Variants in AP3S2 observed in about 807,000 individuals in gnomAD.
The protein encoded by AP3S2 is adaptor related protein complex 3 subunit sigma 2.
In AP3S2, 22 loss-of-function variants were observed where a neutral mutation model predicts 23.4. The ratio of observed to expected loss-of-function variants is 0.94; its 90% confidence interval spans 0.67 to 1.34. The LOEUF is 1.34. AP3S2 is among the 40% of genes most tolerant of loss of function. AP3S2 has a pLI of 0.00. For synonymous variants in AP3S2, 86 were observed against 87.1 expected, an observed-to-expected ratio of 0.99 and a Z score of 0.07; for missense variants, 241 against 236.9, an observed-to-expected ratio of 1.02 and a Z score of -0.11.
chr15:89,890,026 T>G (rs1419205701), intron 1 of AP3S2, among the ~76,000 whole-genome samples: 1 of 152,166 alleles, frequency 6.6e-6, no homozygotes, highest in Non-Finnish European at 1.5e-5. Flanking sequence ...AAAAATAGAT[T>G]ACAGATTAAA....
intron 4 of AP3S2, among the ~76,000 whole-genome samples, chr15:89,858,445 AAAAG>A (rs1452029141): frequency 6.7e-6 from 1 of 150,012 alleles, no homozygotes; most frequent in African/African-American, 2.5e-5. Context: ...CCATCTCAAA[AAAAG>A]AAAGAAAAAG....
intron 4 of AP3S2, among the ~76,000 whole-genome samples, chr15:89,852,830 A>AGGTGGCCCTTTACACCTGCTCGCCCTT: frequency 1.3e-5 from 2 of 152,298 alleles, no homozygotes; most frequent in South Asian, 4.1e-4. Flanking sequence ...CGCCCTTTAC[A>AGGTGGCCCTTTACACCTGCTCGCCCTT]TGCTGGCTCA....
At position 89,846,382 on chromosome 15, in the gene AP3S2, T is replaced by C. The variant is rs1212160546; in HGVS notation, c.346-8660A>G. ...TTTATTTTTTTTTTTTCTTGAGACA[T>C]GGTCTCACTCTGTCGCCCAGGATGG... On this transcript the variant is annotated intron_variant, in intron 4 of 5. Transcript: ENST00000336418. 2.0e-5 allele frequency among the ~76,000 whole-genome samples: 3 copies of C among 151,906 alleles called. No homozygotes were observed. The South Asian group carries it at 6.2e-4, about 32-fold the overall frequency.
chr15:89,834,750 A>G lies in AP3S2; in HGVS notation c.*765T>C, dbSNP rs1895149770. The stretch of plus-strand genomic sequence containing the variant: ...CCCTGTCTCTACTAAACATACAACA[A>G]TTAGCTGGGCATGGTGGTGGGTGCC... On this transcript the variant is annotated 3_prime_UTR_variant, in exon 6 of 6. Transcript: ENST00000336418. The G allele has an allele frequency of 6.6e-6, 1 of 152,046 alleles. No individual in the cohort carries two copies. The highest frequency in any genetic ancestry group is 6.6e-5 in the Admixed American group (1 of 15,260). 9.4% of individuals were successfully genotyped at this position (152,046 alleles called of 1,614,324 possible).
intron 5 of AP3S2, among the ~76,000 whole-genome samples, chr15:89,836,409 C>A (rs1259495020): frequency 7.2e-5 from 11 of 152,160 alleles, no homozygotes; most frequent in African/African-American, 2.7e-4. Context: ...CCGGGAAGTT[C>A]TTAAAAGGAA....
chr15:89,850,426 T>C (rs1384899283), intron 4 of AP3S2, among the ~76,000 whole-genome samples: 3 of 152,086 alleles, frequency 2.0e-5, no homozygotes, highest in African/African-American at 7.2e-5. Flanking sequence ...AGATTGAAAA[T>C]TTGTTTTAAG....
chr15:89,882,069 G>A (rs952406038), intron 3 of AP3S2, among the ~76,000 whole-genome samples: 20 of 152,052 alleles, frequency 1.3e-4, no homozygotes, highest in African/African-American at 4.3e-4. Context: ...TGATCCGCCC[G>A]CCTCGGCCTC....
chr15:89,844,287 CT>C (rs1895429773), intron 4 of AP3S2, among the ~76,000 whole-genome samples: 1 of 120,290 alleles, frequency 8.3e-6, no homozygotes, highest in African/African-American at 2.8e-5. Flanking sequence ...CTCTCTCTTT[CT>C]TTCTTTACTT....
chr15:89,878,869 C>T (rs1226865140), intron 3 of AP3S2, among the ~76,000 whole-genome samples: 1 of 152,230 alleles, frequency 6.6e-6, no homozygotes, highest in African/African-American at 2.4e-5. Flanking sequence ...GCCTCAGCCT[C>T]CTGAGCAGCT....
Position 89,871,469 on chromosome 15 carries a change from A to G in AP3S2, c.345+6T>C. 1.2e-6 allele frequency: 2 copies of G among 1,613,176 alleles called. No homozygotes were observed. The highest frequency in any genetic ancestry group is 1.7e-6 in the Non-Finnish European group (2 of 1,179,722). The stretch of plus-strand genomic sequence containing the variant: ...TAGTTTGGAAGAGAACTGCAAGAGA[A>G]TATACCTTATCCATATGGAAGATCA... On this transcript the variant is annotated splice_donor_region_variant and intron_variant, in intron 4 of 5. Transcript: ENST00000336418.
intron 4 of AP3S2, among the ~76,000 whole-genome samples, chr15:89,838,428 C>G (rs1050740984): frequency 6.6e-6 from 1 of 152,192 alleles, no homozygotes; most frequent in Admixed American, 6.5e-5. Flanking sequence ...TTCCATCTAG[C>G]TAGCAGTCAT....
At chr15:89,874,311 A>G (rs1019363872) in intron 3 of AP3S2, among the ~76,000 whole-genome samples, 1 of 152,076 alleles carries the variant, frequency 6.6e-6, no homozygotes, top group African/African-American at 2.4e-5. Context: ...AATCATGGAT[A>G]TTTCTTGCCC....
At chr15:89,841,418 G>T (rs1464061197) in intron 4 of AP3S2, among the ~76,000 whole-genome samples, 1 of 152,214 alleles carries the variant, frequency 6.6e-6, no homozygotes, top group Non-Finnish European at 1.5e-5. Flanking sequence ...ATGCTACAGG[G>T]AGAGGACAGG....
At chr15:89,836,282 C>T (rs1895189781) in intron 5 of AP3S2, among the ~76,000 whole-genome samples, 1 of 152,080 alleles carries the variant, frequency 6.6e-6, no homozygotes, top group Non-Finnish European at 1.5e-5. Flanking sequence ...ATGGTGGGTA[C>T]CCAATAAATG....
At chr15:89,887,402 C>T (rs545606641) in intron 3 of AP3S2, among the ~76,000 whole-genome samples, 37 of 151,974 alleles carry the variant, frequency 2.4e-4, no homozygotes, top group African/African-American at 7.2e-4. Context: ...GACGGAGTCT[C>T]GCCCTGTCAC....
intron 4 of AP3S2, among the ~76,000 whole-genome samples, chr15:89,856,170 G>C (rs1379360075): frequency 1.3e-5 from 2 of 152,108 alleles, no homozygotes; most frequent in African/African-American, 4.8e-5. Context: ...ATCTCCCAAG[G>C]GAGCAAAGGC....
chr15:89,845,415 A>C (rs1004736258), intron 4 of AP3S2: 2 of 152,216 alleles, frequency 1.3e-5, no homozygotes, highest in African/African-American at 4.8e-5. Context: ...TTGTCCACTG[A>C]ATATGAAGTT....
chr15:89,843,978 G>C (rs545251060), intron 4 of AP3S2, among the ~76,000 whole-genome samples: 1 of 152,092 alleles, frequency 6.6e-6, no homozygotes, highest in Admixed American at 6.5e-5. Context: ...AAACTAGGAA[G>C]AGAAGAGGGG....
chr15:89,878,991 C>G lies in AP3S2; in HGVS notation c.274-7445G>C, dbSNP rs553964656. 2.6e-5 allele frequency among the ~76,000 whole-genome samples: 4 copies of G among 152,372 alleles called. No individual in the cohort carries two copies. The East Asian group carries it at 7.7e-4, about 29-fold the overall frequency. On this transcript the variant is annotated intron_variant, in intron 3 of 5. Coordinates refer to ENST00000336418, the MANE Select transcript of AP3S2 (RefSeq NM_005829.5). ...CAACTCCTGACCTCAAGTGATCTGC[C>G]TGCCTCAGCCTCCCAAAGCGTTGGG...
Sources: allele counts gnomAD v4.1 joint callset (sites outside exome capture counted in the v4.1 genomes callset), GRCh38; gene constraint gnomAD v4.1.1; transcripts MANE v1.5; gene names NCBI Gene and HGNC (gene_info 2026-07-23, HGNC 2026-07-21).